Variants in WASHC2A observed in about 807,000 individuals in gnomAD.
WASHC2A encodes the protein WASH complex subunit FAM21A.
WASHC2A carries 82 observed loss-of-function variants against 140.3 expected under a neutral mutation model. The ratio of observed to expected loss-of-function variants is 0.58; its 90% CI spans 0.49 to 0.70. WASHC2A has a LOEUF of 0.70. WASHC2A is among the 30% of genes least tolerant of loss of function. The pLI, the probability that WASHC2A is intolerant of heterozygous loss-of-function variation, is 0.00. For missense variants in WASHC2A, 985 were observed against 1,521.8 expected (o/e 0.65, Z 5.87); for synonymous variants, 340 against 560.8 (o/e 0.61, Z 5.56).
chr10:50,068,242 C>T lies in WASHC2A; in HGVS notation c.126+15C>T, dbSNP rs1589130034. On this transcript the variant is annotated intron_variant, in intron 2 of 30. Coordinates refer to ENST00000282633, the MANE Select transcript of WASHC2A (RefSeq NM_001005751.3). ...CCGACGCGGGCGTGAGAGGCGGGCCCCGGGGACGCGAGAGCGGCAGGGGTG... is the reference window on the plus strand; with the variant it reads ...CCGACGCGGGCGTGAGAGGCGGGCCTCGGGGACGCGAGAGCGGCAGGGGTG... The T allele has an allele frequency of 2.6e-6, 4 of 1,560,032 alleles. No homozygotes were observed. In the East Asian group the frequency reaches 6.9e-5, roughly 27 times the overall value.
chr10:50,087,193 C>T (rs1296302494), intron 7 of WASHC2A, 82 bp from the exon 8 acceptor site: 2 of 1,583,696 alleles, frequency 1.3e-6, no homozygotes, highest in Non-Finnish European at 1.7e-6. Flanking sequence ...AATCAGCCTG[C>T]CCCAGAGACT....
At chr10:50,114,520 T>A (rs1384728962) in intron 21 of WASHC2A, among the ~76,000 whole-genome samples, 1 of 124,930 alleles carries the variant, frequency 8.0e-6, no homozygotes, top group Admixed American at 8.7e-5. Flanking sequence ...ATGAAAAACA[T>A]ACTGCAGGCC....
In WASHC2A at chr10:50,119,682, CA is replaced by C. The variant is rs1842885917; in HGVS notation, c.2395del (p.Thr799LeufsTer26). 1.3e-6 allele frequency: 2 copies of C among 1,596,572 alleles called. No homozygotes were observed. Among genetic ancestry groups the C allele is most frequent in the Admixed American group, 1.7e-5 (1 of 58,664 alleles). On this transcript the variant is annotated frameshift_variant, in exon 23 of 31. Coordinates refer to ENST00000282633, the MANE Select transcript of WASHC2A (RefSeq NM_001005751.3). LOFTEE classifies it high-confidence loss of function. ...GGGACAAAGGAACCAAGCCTAGAAC[CA>C]AAACTGTTCTTAGCTTGTTTGATGA... ...PWDKGTKPRT[K>X]TVLSLFDEEE...
At position 50,083,893 on chromosome 10, in the gene WASHC2A, A is replaced by T. The variant is rs1349501076; in HGVS notation, c.529-179A>T. ...CATCTTTACCTAGGATTTGACTTTT[A>T]AAAAAATCAGTGAAAAAAAGAATTT... On this transcript the variant is annotated intron_variant, in intron 5 of 30. Transcript: ENST00000282633. 1.2e-3 allele frequency among the ~76,000 whole-genome samples: 133 copies of T among 111,442 alleles called. 10 individuals carry two copies. Among genetic ancestry groups the T allele is most frequent in the Non-Finnish European group, 2.2e-3 (117 of 53,134 alleles). 73.1% of individuals were successfully genotyped at this position (111,442 alleles called of 152,430 possible). A position where few individuals can be genotyped will look rare whatever the true frequency, so the allele number is the denominator to read the frequency against.
chr10:50,103,690 T>C (rs1293544687), intron 17 of WASHC2A, among the ~76,000 whole-genome samples: 1 of 152,254 alleles, frequency 6.6e-6, no homozygotes, highest in Admixed American at 6.5e-5. Context: ...TTTGATTCTT[T>C]AGACGGTAAT....
chr10:50,088,799 A>T (rs1162504756), intron 8 of WASHC2A, among the ~76,000 whole-genome samples: 1 of 122,080 alleles, frequency 8.2e-6, no homozygotes, highest in African/African-American at 3.2e-5. Flanking sequence ...TAACTATCAA[A>T]TGAAGGATTT....
At chr10:50,101,080 A>T (rs1489034664) in intron 17 of WASHC2A, among the ~76,000 whole-genome samples, 43 of 152,416 alleles carry the variant, frequency 2.8e-4, no homozygotes, top group Admixed American at 2.5e-3. Context: ...AAGGATGAAC[A>T]TGGAACCCTT....
intron 5 of WASHC2A, among the ~76,000 whole-genome samples, chr10:50,081,875 C>T (rs1430457723): frequency 3.9e-5 from 6 of 152,074 alleles, no homozygotes; most frequent in African/African-American, 1.4e-4. Flanking sequence ...TCAGGTGATC[C>T]GCCTGCCTTG....
intron 20 of WASHC2A, among the ~76,000 whole-genome samples, chr10:50,111,766 A>T (rs1207150938): frequency 6.6e-6 from 1 of 152,226 alleles, no homozygotes; most frequent in Non-Finnish European, 1.5e-5. Flanking sequence ...GCAGTGGCTC[A>T]CGCCTGTAAT....
Position 50,104,150 on chromosome 10 carries a change from A to T in WASHC2A, c.1737+7A>T, listed in dbSNP as rs371064649. On this transcript the variant is annotated splice_region_variant and intron_variant, in intron 18 of 30. Coordinates refer to ENST00000282633, the MANE Select transcript of WASHC2A (RefSeq NM_001005751.3). ...TGATGATGAAGATGAAGAGGTAAAC[A>T]TTGTTATTGTAACACTAGATAATTT... The T allele has an allele frequency of 1.1e-5, 16 of 1,500,980 alleles. 1 individual carries two copies. Among genetic ancestry groups the T allele is most frequent in the Non-Finnish European group, 1.5e-5 (16 of 1,085,496 alleles). The allele number at this position is 1,500,980 out of a possible 1,614,324, so 93.0% of individuals were successfully genotyped here. A position where few individuals can be genotyped will look rare whatever the true frequency, so the allele number is the denominator to read the frequency against.
chr10:50,083,551 T>C (rs1191002877), intron 5 of WASHC2A, among the ~76,000 whole-genome samples: 16,010 of 88,944 alleles, frequency 0.18, 1,714 homozygotes, highest in East Asian at 0.37. Context: ...TTTACTTTGG[T>C]ATCTTTTTTT....
At chr10:50,128,968 C>T (rs1229574113) in intron 28 of WASHC2A, among the ~76,000 whole-genome samples, 13 of 151,818 alleles carry the variant, frequency 8.6e-5, no homozygotes, top group Non-Finnish European at 1.8e-4. Flanking sequence ...TCTCCCCGCT[C>T]CTGGAGCCTG....
At chr10:50,110,309 C>G in intron 20 of WASHC2A, 39 bp downstream of exon 20, 1 of 1,606,620 alleles carries the variant, frequency 6.2e-7, no homozygotes, top group South Asian at 1.1e-5. Flanking sequence ...ACTCCGTTAC[C>G]GTGGTAACAA....
rs1296497284 is a variant in WASHC2A at position 50,068,123 on chromosome 10, G to A, written c.22G>A (p.Asp8Asn). 1.9e-6 allele frequency: 3 copies of A among 1,605,832 alleles called. No individual in the cohort carries two copies. The highest frequency in any genetic ancestry group is 2.7e-5 in the African/African-American group (2 of 73,450). ...GCTGCAGATGAACCGGACGACCCCC[G>A]ACCAGGAGCTGGCGCCAGCGTCGGA... Reference protein sequence around the residue: MMNRTTPDQELAPASEPV... With the variant: MMNRTTPNQELAPASEPV... Residue 8 changes from aspartate to asparagine, a missense_variant, in exon 2 of 31, where the codon GAC becomes AAC. By Grantham distance (23) the Asp-to-Asn change is conservative. Transcript: ENST00000282633.
chr10:50,110,184 C>A lies in WASHC2A; in HGVS notation c.1953C>A (p.Leu651=). The A allele has an allele frequency of 6.2e-7, 1 of 1,611,652 alleles. No homozygotes were observed. Among genetic ancestry groups the A allele is most frequent in the Non-Finnish European group, 8.5e-7 (1 of 1,179,790 alleles). ...SKGEPRDSGT[L]QSQEAKAVKK... is the part of the protein sequence containing the mutation. ...GAGAACCCAGGGATTCTGGGACCCT[C>A]CAGAGCCAGGAGGCCAAGGCTGTGA... The change falls in exon 20 of 31, where the codon CTC becomes CTA. Residue 651 remains leucine (L), a synonymous_variant. Coordinates refer to ENST00000282633, the MANE Select transcript of WASHC2A (RefSeq NM_001005751.3).
Position 50,103,979 on chromosome 10 carries a change from C to G in WASHC2A, c.1636-63C>G, listed in dbSNP as rs542581661. 37 of 1,413,812 alleles carry G rather than the reference C, an allele frequency of 2.6e-5. No homozygotes were observed. The East Asian group carries it at 8.3e-4, about 32-fold the overall frequency. 87.6% of individuals were successfully genotyped at this position (1,413,812 alleles called of 1,614,324 possible). On this transcript the variant is annotated intron_variant, in intron 17 of 30. Transcript: ENST00000282633. ...ATGTCTGAGTCACTTGTGTTTTATA[C>G]TGACCTGATATTTTAAAAACTGATA... is the stretch of plus-strand genomic sequence containing the variant.
chr10:50,109,381 T>A (rs1589248174), intron 19 of WASHC2A, among the ~76,000 whole-genome samples: 1 of 152,242 alleles, frequency 6.6e-6, no homozygotes, highest in South Asian at 2.1e-4. Flanking sequence ...TTACACTTTT[T>A]TTTCAATCTG....
At chr10:50,094,514 C>T (rs1303629650) in intron 13 of WASHC2A, among the ~76,000 whole-genome samples, 1 of 152,106 alleles carries the variant, frequency 6.6e-6, no homozygotes, top group Non-Finnish European at 1.5e-5. Flanking sequence ...TGTTTTTTAA[C>T]CTACAAATGT....
intron 18 of WASHC2A, among the ~76,000 whole-genome samples, chr10:50,105,176 A>G (rs1841630654): frequency 6.6e-6 from 1 of 152,002 alleles, no homozygotes; most frequent in South Asian, 2.1e-4. Flanking sequence ...GAAGGCAGCC[A>G]TGTCCTGACC....
Sources: allele counts gnomAD v4.1 joint callset (sites outside exome capture counted in the v4.1 genomes callset), GRCh38; gene constraint gnomAD v4.1.1; transcripts MANE v1.5; gene names NCBI Gene and HGNC (gene_info 2026-07-23, HGNC 2026-07-21).